The following PPARGC1A variants were observed in gnomAD, a reference collection of about 807,000 sequenced individuals.
PPARGC1A encodes the protein peroxisome proliferator-activated receptor gamma coactivator 1-alpha.
Under a neutral mutation model 88.7 loss-of-function variants are expected in PPARGC1A, and 25 were observed. The ratio of observed to expected loss-of-function variants is 0.28; its 90% CI spans 0.21 to 0.39. The LOEUF is 0.39. Ranked by LOEUF, PPARGC1A falls within the 10% of genes least tolerant of loss-of-function variation. The probability of loss-of-function intolerance (pLI) is 1.00; values close to 1 mark genes in which losing one functional copy is unlikely to be tolerated. For synonymous variants in PPARGC1A, 363 were observed against 355.6 expected (o/e 1.02, Z -0.24); for missense variants, 880 against 968.7 (o/e 0.91, Z 1.22).
the PPARGC1A span, among the ~76,000 whole-genome samples, chr4:23,927,251 T>G: frequency 6.6e-6 from 1 of 152,218 alleles, no homozygotes; most frequent in Admixed American, 6.5e-5. Flanking sequence ...ACTTGAAGTA[T>G]GGTTTCTACT....
At chr4:24,201,345 C>G in the PPARGC1A span, among the ~76,000 whole-genome samples, 1 of 152,292 alleles carries the variant, frequency 6.6e-6, no homozygotes, top group Non-Finnish European at 1.5e-5. Context: ...CATTGCCAAC[C>G]CTCACCCCCA....
At chr4:24,207,756 A>G in the PPARGC1A span, among the ~76,000 whole-genome samples, 1 of 152,196 alleles carries the variant, frequency 6.6e-6, no homozygotes, top group Non-Finnish European at 1.5e-5. Flanking sequence ...TAAAGCCACA[A>G]AAGTGTTCTA....
At chr4:24,436,473 A>G in the PPARGC1A span, among the ~76,000 whole-genome samples, 577 of 150,936 alleles carry the variant, frequency 3.8e-3, no homozygotes, top group Non-Finnish European at 4.7e-3. Context: ...AGCCCTGGTC[A>G]CACAGCTGAC....
the PPARGC1A span, among the ~76,000 whole-genome samples, chr4:24,073,439 T>C: frequency 2.6e-5 from 4 of 152,202 alleles, no homozygotes; most frequent in Admixed American, 2.0e-4. Flanking sequence ...GGCAACTTCA[T>C]GTGCACAAGC....
the PPARGC1A span, among the ~76,000 whole-genome samples, chr4:24,452,341 A>C: frequency 1.3e-5 from 2 of 151,730 alleles, no homozygotes; most frequent in Admixed American, 1.3e-4. Flanking sequence ...AATACAGACT[A>C]TCTAACATTG....
At chr4:23,798,423 C>T (rs1274862589) in intron 12 of PPARGC1A, among the ~76,000 whole-genome samples, 2 of 152,020 alleles carry the variant, frequency 1.3e-5, no homozygotes, top group Non-Finnish European at 2.9e-5. Flanking sequence ...ATCTCAAACA[C>T]CAAAATATTA....
the PPARGC1A span, among the ~76,000 whole-genome samples, chr4:24,213,496 T>C: frequency 6.6e-6 from 1 of 152,132 alleles, no homozygotes; most frequent in Non-Finnish European, 1.5e-5. Flanking sequence ...CACACCCCAT[T>C]GTGTGTTAAC....
At chr4:24,221,580 G>A in the PPARGC1A span, among the ~76,000 whole-genome samples, 293 of 152,188 alleles carry the variant, frequency 1.9e-3, 1 homozygote, top group African/African-American at 6.9e-3. Context: ...GGAAATATTT[G>A]CATATGCATC....
chr4:24,343,041 G>C, the PPARGC1A span, among the ~76,000 whole-genome samples: 1 of 152,188 alleles, frequency 6.6e-6, no homozygotes, highest in Non-Finnish European at 1.5e-5. Context: ...CAGTCAGCTT[G>C]TGGGATTCAT....
At chr4:24,322,707 G>C in the PPARGC1A span, among the ~76,000 whole-genome samples, 2 of 152,204 alleles carry the variant, frequency 1.3e-5, no homozygotes, top group African/African-American at 2.4e-5. Flanking sequence ...GCAGTGGTGG[G>C]AGTGTTTCTA....
intron 2 of PPARGC1A, among the ~76,000 whole-genome samples, chr4:23,837,968 G>A (rs1726339332): frequency 6.6e-6 from 1 of 152,082 alleles, no homozygotes; most frequent in Non-Finnish European, 1.5e-5. Context: ...ATATTTATAA[G>A]AAAGTAAAGT....
the PPARGC1A span, among the ~76,000 whole-genome samples, chr4:24,347,708 C>T: frequency 6.6e-6 from 1 of 152,118 alleles, no homozygotes; most frequent in Non-Finnish European, 1.5e-5. Flanking sequence ...TCTTACCCAT[C>T]CTGCAGTTCT....
At chr4:24,440,537 C>T in the PPARGC1A span, among the ~76,000 whole-genome samples, 2 of 152,136 alleles carry the variant, frequency 1.3e-5, no homozygotes, top group Non-Finnish European at 2.9e-5. Flanking sequence ...CGCAGTGGCT[C>T]ACGCTTGTAA....
chr4:23,959,794 A>G, the PPARGC1A span, among the ~76,000 whole-genome samples: 1 of 152,102 alleles, frequency 6.6e-6, no homozygotes, highest in Admixed American at 6.6e-5. Flanking sequence ...CTTTCATATT[A>G]GCCGGGAAGG....
chr4:24,055,269 T>A, the PPARGC1A span, among the ~76,000 whole-genome samples: 8 of 152,220 alleles, frequency 5.3e-5, no homozygotes, highest in African/African-American at 1.9e-4. Flanking sequence ...CCTTGGGGAC[T>A]TATTTCACCT....
At chr4:24,005,257 G>T in the PPARGC1A span, among the ~76,000 whole-genome samples, 1 of 150,232 alleles carries the variant, frequency 6.7e-6, no homozygotes, top group Non-Finnish European at 1.5e-5. Flanking sequence ...GCTTTTGAAA[G>T]AAAAAAAAAG....
chr4:24,256,126 G>C, the PPARGC1A span, among the ~76,000 whole-genome samples: 2 of 152,166 alleles, frequency 1.3e-5, no homozygotes, highest in African/African-American at 4.8e-5. Flanking sequence ...GTTGCCAGCA[G>C]TCAAGACTGG....
Position 23,884,822 on chromosome 4 carries a change from A to T in PPARGC1A, c.164T>A (p.Leu55His). 2 of 1,613,984 alleles carry T rather than the reference A, an allele frequency of 1.2e-6. No homozygotes were observed. Among genetic ancestry groups the T allele is most frequent in the Non-Finnish European group, 1.7e-6 (2 of 1,179,888 alleles). The stretch of plus-strand genomic sequence containing the variant: ...TTCTGATTGGTCACTGCACCACTTG[A>T]GTCCACCCAGAAAGCTGTCTGTATC... ...DLDTDSFLGG[L>H]KWCSDQSEII... is the part of the protein sequence containing the mutation. The change falls in exon 2 of 13, where the codon CTC becomes CAC. Residue 55 changes from leucine to histidine, a missense_variant. Coordinates refer to ENST00000264867, the MANE Select transcript of PPARGC1A (RefSeq NM_013261.5).
chr4:24,080,411 ACT>A, the PPARGC1A span, among the ~76,000 whole-genome samples: 1 of 152,000 alleles, frequency 6.6e-6, no homozygotes, highest in Non-Finnish European at 1.5e-5. Context: ...GAATCAACTA[ACT>A]CAACTCATAA....
Sources: gnomAD v4.1 joint callset for allele counts (sites outside exome capture counted in the v4.1 genomes callset) on GRCh38, gnomAD v4.1.1 for gene constraint, MANE v1.5 for transcripts, NCBI Gene and HGNC (gene_info 2026-07-23, HGNC 2026-07-21) for gene names.